Variants in RGS6 observed in about 807,000 individuals in gnomAD.
The protein encoded by RGS6 is regulator of G protein signaling 6.
RGS6 carries 30 observed loss-of-function variants against 78.5 expected under a neutral mutation model. The observed-to-expected ratio is 0.38, with a 90% CI of 0.29 to 0.52. RGS6 has a LOEUF of 0.52. RGS6 is among the 20% of genes least tolerant of loss of function. RGS6 has a pLI of 0.85. For synonymous variants in RGS6, 206 were observed against 206.0 expected (o/e 1.00, Z 0.00); for missense variants, 495 against 609.7 (o/e 0.81, Z 1.98).
At chr14:72,211,651 C>G (rs1232286286) in intron 2 of RGS6, among the ~76,000 whole-genome samples, 1 of 152,092 alleles carries the variant, frequency 6.6e-6, no homozygotes, top group African/African-American at 2.4e-5. Context: ...ATGTTAAGTT[C>G]CCAAGATCCA....
intron 3 of RGS6, among the ~76,000 whole-genome samples, chr14:72,384,770 A>C (rs981233855): frequency 3.9e-5 from 6 of 151,992 alleles, no homozygotes; most frequent in African/African-American, 1.5e-4. Flanking sequence ...TTATTTTTTG[A>C]GACAGAGTCT....
chr14:72,105,124 C>T (rs2095606925), intron 2 of RGS6, among the ~76,000 whole-genome samples: 1 of 152,136 alleles, frequency 6.6e-6, no homozygotes, highest in Admixed American at 6.5e-5. Context: ...TATTGAGTAT[C>T]AGGCATCAGC....
At chr14:72,609,573 C>A in the RGS6 span, among the ~76,000 whole-genome samples, 1 of 152,168 alleles carries the variant, frequency 6.6e-6, no homozygotes, top group Non-Finnish European at 1.5e-5. Context: ...CATCACAGCA[C>A]TTCACGTTAG....
intron 2 of RGS6, among the ~76,000 whole-genome samples, chr14:72,034,032 C>A (rs189142544): frequency 1.3e-5 from 2 of 152,254 alleles, no homozygotes; most frequent in African/African-American, 4.8e-5. Context: ...TTTCATGATG[C>A]TCGTTAGCCA....
intron 2 of RGS6, among the ~76,000 whole-genome samples, chr14:72,090,019 T>A (rs2095208869): frequency 6.6e-6 from 1 of 151,832 alleles, no homozygotes; most frequent in Non-Finnish European, 1.5e-5. Context: ...GCACATCAGA[T>A]TTTATTAATC....
chr14:72,152,228 G>C (rs1202939527), intron 2 of RGS6, among the ~76,000 whole-genome samples: 3 of 117,974 alleles, frequency 2.5e-5, no homozygotes, highest in Non-Finnish European at 5.7e-5. Context: ...GCATGAGAGA[G>C]AGAGAGAGAG....
chr14:71,893,297 C>G, the RGS6 span, among the ~76,000 whole-genome samples: 2 of 152,144 alleles, frequency 1.3e-5, no homozygotes, highest in African/African-American at 2.4e-5. Flanking sequence ...TGTGGATTTG[C>G]TTAAAATATT....
Position 72,052,925 on chromosome 14 carries a change from T to TTTTC in RGS6, c.84+88108_84+88111dup, listed in dbSNP as rs759527358. Among the ~76,000 whole-genome samples the TTTTC allele has an allele frequency of 4.4e-3, 534 of 120,392 alleles. 21 individuals are homozygous for TTTTC. The highest frequency in any genetic ancestry group is 8.3e-3 in the Middle Eastern group (2 of 240). 79.0% of individuals were successfully genotyped at this position (120,392 alleles called of 152,430 possible). On this transcript the variant is annotated intron_variant, in intron 2 of 17. Coordinates refer to ENST00000553525, the MANE Select transcript of RGS6 (RefSeq NM_001204424.2). ...GCACATGTTCAGAGTTTCATTGTATTTTTCTTTCTTTCTTTCTTTCTTTCT... is the reference window on the plus strand; with the variant it reads ...GCACATGTTCAGAGTTTCATTGTATTTTTCTTTCTTTCTTTCTTTCTTTCTTTCT...
At chr14:72,348,404 C>G (rs550345648) in intron 2 of RGS6, among the ~76,000 whole-genome samples, 11 of 152,238 alleles carry the variant, frequency 7.2e-5, no homozygotes, top group African/African-American at 2.6e-4. Context: ...ATTTAAAATA[C>G]TTAGGGCAGT....
At chr14:72,099,588 T>C (rs1283849666) in intron 2 of RGS6, among the ~76,000 whole-genome samples, 17 of 152,110 alleles carry the variant, frequency 1.1e-4, no homozygotes, top group Non-Finnish European at 1.2e-4. Context: ...TCTTTAAATG[T>C]CTGTTTTGGG....
At chr14:72,139,346 C>A (rs980058451) in intron 2 of RGS6, among the ~76,000 whole-genome samples, 1 of 152,174 alleles carries the variant, frequency 6.6e-6, no homozygotes, top group Non-Finnish European at 1.5e-5. Flanking sequence ...CTTTAGGTAG[C>A]CAGACAGAAC....
chr14:72,329,163 T>A (rs967389567), intron 2 of RGS6, among the ~76,000 whole-genome samples: 1 of 152,230 alleles, frequency 6.6e-6, no homozygotes, highest in African/African-American at 2.4e-5. Context: ...CGTGAGCCAC[T>A]GTGCCCAACC....
intron 3 of RGS6, among the ~76,000 whole-genome samples, chr14:72,377,994 T>A (rs564587179): frequency 6.6e-6 from 1 of 152,020 alleles, no homozygotes; most frequent in African/African-American, 2.4e-5. Context: ...CAAAAAAATA[T>A]TGAAATTTTA....
At chr14:72,440,797 T>C (rs2095164361) in intron 3 of RGS6, among the ~76,000 whole-genome samples, 1 of 152,158 alleles carries the variant, frequency 6.6e-6, no homozygotes, top group Non-Finnish European at 1.5e-5. Flanking sequence ...GTTTTTGTCA[T>C]TTTTCAGGGT....
intron 2 of RGS6, among the ~76,000 whole-genome samples, chr14:71,971,436 C>T (rs548040981): frequency 3.3e-5 from 5 of 152,230 alleles, no homozygotes; most frequent in South Asian, 4.2e-4. Context: ...CTTCTGGGTC[C>T]GGACATCCTT....
At chr14:71,876,015 T>A in the RGS6 span, among the ~76,000 whole-genome samples, 267 of 152,322 alleles carry the variant, frequency 1.8e-3, 1 homozygote, top group African/African-American at 6.2e-3. Context: ...AGAGACAATT[T>A]CTTATAATTT....
chr14:72,125,078 C>T (rs1017490980), intron 2 of RGS6, among the ~76,000 whole-genome samples: 3 of 152,166 alleles, frequency 2.0e-5, no homozygotes, highest in East Asian at 3.8e-4. Flanking sequence ...ACTCCAGATG[C>T]TTGTAATAGA....
intron 6 of RGS6, chr14:72,464,633 C>T (rs1001514912): frequency 1.3e-5 from 2 of 152,130 alleles, no homozygotes; most frequent in African/African-American, 4.8e-5. Flanking sequence ...TTCTGTTGTT[C>T]ATTTATTTAT....
chr14:72,412,490 C>A lies in RGS6; in HGVS notation c.185-42038C>A, dbSNP rs185151503. ...TTATTAGTCTTGGTAGCAGTCTATC[C>A]ATTTTGTTGATCTTTTCAAAAAACC... On this transcript the variant is annotated intron_variant, in intron 3 of 17. Transcript: ENST00000553525. Among the ~76,000 whole-genome samples the A allele has an allele frequency of 3.4e-4, 51 of 151,998 alleles. 1 individual carries two copies. In the South Asian group the frequency reaches 8.3e-3, roughly 25 times the overall value.
Sources: gnomAD v4.1 joint callset for allele counts (sites outside exome capture counted in the v4.1 genomes callset) on GRCh38, gnomAD v4.1.1 for gene constraint, MANE v1.5 for transcripts, NCBI Gene and HGNC (gene_info 2026-07-23, HGNC 2026-07-21) for gene names.